The following CADM2 variants were observed in gnomAD, a reference collection of about 807,000 sequenced individuals.
CADM2 encodes immunoglobulin superfamily member 4D.
In CADM2, 12 loss-of-function variants were observed where a neutral mutation model predicts 49.8. The observed-to-expected ratio is 0.24, with a 90% CI of 0.15 to 0.39. The LOEUF (loss-of-function observed/expected upper bound fraction) is 0.39. CADM2 is among the 10% of genes least tolerant of loss of function. The pLI is 1.00. For synonymous variants in CADM2, 214 were observed against 175.4 expected (o/e 1.22, Z -1.74); for missense variants, 378 against 492.3 (o/e 0.77, Z 2.20).
intron 1 of CADM2, among the ~76,000 whole-genome samples, chr3:85,116,609 A>C (rs2038647313): frequency 6.6e-6 from 1 of 152,158 alleles, no homozygotes; most frequent in Admixed American, 6.6e-5. Context: ...TATACTTCTC[A>C]ATGAAATTAA....
chr3:85,416,378 C>T (rs573829475), intron 1 of CADM2, among the ~76,000 whole-genome samples: 10 of 152,074 alleles, frequency 6.6e-5, no homozygotes, highest in African/African-American at 2.2e-4. Flanking sequence ...TTAAAAGTTT[C>T]GATACTGTTA....
chr3:85,386,712 A>G (rs149192663), intron 1 of CADM2, among the ~76,000 whole-genome samples: 125 of 152,314 alleles, frequency 8.2e-4, no homozygotes, highest in African/African-American at 2.8e-3. Flanking sequence ...AATGTAAGTG[A>G]AAACACCGTG....
At chr3:86,065,009 C>T (rs922134821) in intron 8 of CADM2, among the ~76,000 whole-genome samples, 1 of 152,126 alleles carries the variant, frequency 6.6e-6, no homozygotes, top group African/African-American at 2.4e-5. Flanking sequence ...TCTCCAATAT[C>T]GCTTCCTCTC....
chr3:85,999,368 G>C (rs1372482050), intron 8 of CADM2, among the ~76,000 whole-genome samples: 2 of 151,936 alleles, frequency 1.3e-5, no homozygotes. Flanking sequence ...TTTCAGGCAT[G>C]ATGGTGTGCA....
At chr3:85,334,459 C>A (rs1417908587) in intron 1 of CADM2, among the ~76,000 whole-genome samples, 1 of 151,496 alleles carries the variant, frequency 6.6e-6, no homozygotes, top group Non-Finnish European at 1.5e-5. Flanking sequence ...ATTATTTCAA[C>A]AAAATATTTG....
chr3:85,269,420 A>G (rs913425860), intron 1 of CADM2, among the ~76,000 whole-genome samples: 3 of 151,446 alleles, frequency 2.0e-5, no homozygotes, highest in Non-Finnish European at 4.4e-5. Context: ...CACCCCAAAA[A>G]GTAAATTAAT....
chr3:85,709,027 A>G (rs184371697), intron 1 of CADM2, among the ~76,000 whole-genome samples: 14 of 152,248 alleles, frequency 9.2e-5, no homozygotes, highest in Admixed American at 7.8e-4. Flanking sequence ...TTACCCAATA[A>G]TATTCTCTTT....
intron 1 of CADM2, among the ~76,000 whole-genome samples, chr3:85,358,394 A>AAT (rs2032050351): frequency 6.6e-6 from 1 of 151,846 alleles, no homozygotes; most frequent in East Asian, 1.9e-4. Context: ...TTCCAAAAAA[A>AAT]ATATATATAT....
intron 1 of CADM2, among the ~76,000 whole-genome samples, chr3:85,067,704 T>C (rs1026137945): frequency 2.0e-5 from 3 of 152,208 alleles, no homozygotes; most frequent in Non-Finnish European, 4.4e-5. Flanking sequence ...TTTGGCTGTT[T>C]GTACCAATTA....
chr3:85,466,744 CA>C (rs544683096), intron 1 of CADM2, among the ~76,000 whole-genome samples: 186 of 146,232 alleles, frequency 1.3e-3, no homozygotes, highest in African/African-American at 1.9e-3. Context: ...AAATTTTTAA[CA>C]AAAAAAAATT....
chr3:85,121,468 T>G (rs753626633), intron 1 of CADM2, among the ~76,000 whole-genome samples: 1 of 152,092 alleles, frequency 6.6e-6, no homozygotes, highest in Non-Finnish European at 1.5e-5. Context: ...GAAAGTGATC[T>G]GCAAAGGATA....
chr3:86,049,190 G>A (rs1035314913), intron 8 of CADM2, among the ~76,000 whole-genome samples: 5 of 152,040 alleles, frequency 3.3e-5, no homozygotes, highest in African/African-American at 1.2e-4. Context: ...TGTTGCGTTA[G>A]AATGTGACTG....
chr3:85,706,405 C>T (rs1040334645), intron 1 of CADM2, among the ~76,000 whole-genome samples: 6 of 152,262 alleles, frequency 3.9e-5, no homozygotes, highest in South Asian at 2.1e-4. Context: ...CTGCCCTTGT[C>T]GATGTCTGCT....
At chr3:85,286,390 GCTAGCTTGAAATTAGGAACAT>G (rs1331857215) in intron 1 of CADM2, among the ~76,000 whole-genome samples, 1 of 152,148 alleles carries the variant, frequency 6.6e-6, no homozygotes, top group Non-Finnish European at 1.5e-5. Flanking sequence ...ATTCTGATGG[GCTAGCTTGAAATTAGGAACAT>G]CTAGCATATA....
At chr3:85,984,708 A>G (rs1406737204) in intron 8 of CADM2, among the ~76,000 whole-genome samples, 1 of 152,054 alleles carries the variant, frequency 6.6e-6, no homozygotes. Context: ...ATACATTTCA[A>G]TGTACCAGAT....
At chr3:85,844,483 A>C (rs1463612756) in intron 3 of CADM2, among the ~76,000 whole-genome samples, 2 of 152,142 alleles carry the variant, frequency 1.3e-5, no homozygotes, top group Non-Finnish European at 2.9e-5. Context: ...CCTAAAATGA[A>C]GAAAGAAACA....
intron 8 of CADM2, among the ~76,000 whole-genome samples, chr3:86,023,362 T>G (rs552576377): frequency 2.2e-5 from 2 of 88,980 alleles, no homozygotes; most frequent in East Asian, 7.0e-4. Context: ...TTTTGTTTGT[T>G]TGTTTGTTTG....
chr3:86,008,146 G>A (rs1731024469), intron 8 of CADM2, among the ~76,000 whole-genome samples: 1 of 152,046 alleles, frequency 6.6e-6, no homozygotes, highest in South Asian at 2.1e-4. Flanking sequence ...CAAAGTTGAG[G>A]GTTATTCTAA....
Position 85,179,534 on chromosome 3 carries a change from A to G in CADM2, c.61+219866A>G, listed in dbSNP as rs530091363. Among the ~76,000 whole-genome samples the G allele has an allele frequency of 2.6e-5, 4 of 152,134 alleles. No homozygotes were observed. In the East Asian group the frequency reaches 7.7e-4, roughly 29 times the overall value. On this transcript the variant is annotated intron_variant, in intron 1 of 9. Transcript: ENST00000383699. ...TGAATGCAAGATCAGTACAAAAATT[A>G]CAATTTTCTACATTATCTCTTTTCT...
Sources: gnomAD v4.1 joint callset for allele counts (sites outside exome capture counted in the v4.1 genomes callset) on GRCh38, gnomAD v4.1.1 for gene constraint, MANE v1.5 for transcripts, NCBI Gene and HGNC (gene_info 2026-07-23, HGNC 2026-07-21) for gene names.